The following GPR137B variants were observed in gnomAD, a reference collection of about 807,000 sequenced individuals.
GPR137B encodes the protein integral membrane protein GPR137B.
A neutral mutation model predicts 42.5 loss-of-function variants in GPR137B; 42 were observed. The ratio of observed to expected loss-of-function variants is 0.99; its 90% CI spans 0.77 to 1.28. The LOEUF (loss-of-function observed/expected upper bound fraction) is 1.28, where lower values mean the gene tolerates loss of function less well. GPR137B is among the 50% of genes most tolerant of loss of function. The probability of loss-of-function intolerance (pLI) is 0.00; values close to 1 mark genes in which losing one functional copy is unlikely to be tolerated. For synonymous variants in GPR137B, 218 were observed against 209.7 expected (o/e 1.04, Z -0.34); for missense variants, 487 against 493.9 (o/e 0.99, Z 0.13).
Position 236,142,830 on chromosome 1 carries a change from T to A in GPR137B, c.208T>A (p.Tyr70Asn). The change falls in exon 1 of 7, where the codon TAC becomes AAC. Residue 70 changes from tyrosine (Y) to asparagine (N), a missense_variant. Tyr to Asn is a moderately radical substitution (Grantham distance 143). Transcript: ENST00000366592. Reference protein sequence around the residue: ...IYVQLWLVLRYRHKRLSYQSV... With the variant: ...IYVQLWLVLRNRHKRLSYQSV... Reference sequence around the variant, plus strand: ...CGTGCAGCTCTGGCTGGTGCTGCGTTACCGCCACAAGCGGCTCAGCTACCA... The same window carrying A: ...CGTGCAGCTCTGGCTGGTGCTGCGTAACCGCCACAAGCGGCTCAGCTACCA... 6.2e-7 allele frequency: 1 copy of A among 1,614,072 alleles called. No homozygotes were observed. The highest frequency in any genetic ancestry group is 8.5e-7 in the Non-Finnish European group (1 of 1,179,902).
intron 5 of GPR137B, among the ~76,000 whole-genome samples, chr1:236,192,523 G>A (rs1248780917): frequency 6.6e-6 from 1 of 152,170 alleles, no homozygotes; most frequent in Non-Finnish European, 1.5e-5. Flanking sequence ...TGTCGGAAAA[G>A]TGCAGTATCT....
chr1:236,148,774 G>A (rs1032314982), intron 1 of GPR137B, among the ~76,000 whole-genome samples: 4 of 152,074 alleles, frequency 2.6e-5, no homozygotes, highest in Non-Finnish European at 4.4e-5. Context: ...GCTCATAGTC[G>A]GTGTTGGGAG....
intron 5 of GPR137B, among the ~76,000 whole-genome samples, chr1:236,190,107 G>T (rs148089537): frequency 0.013 from 1,869 of 147,182 alleles, 51 homozygotes; most frequent in African/African-American, 0.044. Flanking sequence ...TTGGTTTAAA[G>T]TCTGTTTTAT....
intron 5 of GPR137B, among the ~76,000 whole-genome samples, chr1:236,187,887 G>T (rs1186900809): frequency 1.3e-5 from 2 of 152,156 alleles, no homozygotes; most frequent in Non-Finnish European, 2.9e-5. Flanking sequence ...GTAGCTTGAT[G>T]GGGATAGCAT....
intron 2 of GPR137B, among the ~76,000 whole-genome samples, chr1:236,170,151 C>T (rs544715839): frequency 5.5e-4 from 84 of 151,474 alleles, no homozygotes; most frequent in Non-Finnish European, 1.0e-3. Flanking sequence ...GGGGTTCTGG[C>T]GTTTCTGCCC....
chr1:236,156,387 T>C lies in GPR137B; in HGVS notation c.415-12319T>C, dbSNP rs1385857277. On this transcript the variant is annotated intron_variant, in intron 1 of 6. Coordinates refer to ENST00000366592, the MANE Select transcript of GPR137B (RefSeq NM_003272.4). This position sits in a 1 kb window ranked among gnomAD's most constrained non-coding sequence, Gnocchi z 4.8. ...CACCGCCTCCCAGAACTTTATGGCA[T>C]GGACAGCGTGCTTGCTTGCCTTTTC... 1.3e-5 allele frequency among the ~76,000 whole-genome samples: 2 copies of C among 152,240 alleles called. No individual in the cohort carries two copies. Among genetic ancestry groups the C allele is most frequent in the South Asian group, 4.1e-4 (2 of 4,832 alleles).
At position 236,208,487 on chromosome 1, in the gene GPR137B, T is replaced by C. The variant is rs770688212; in HGVS notation, c.*329T>C. ...TTTCTTGAGAATGTTACTGCAATCA[T>C]GTTGTAGTTTGCACAGACTTTTATG... is the stretch of plus-strand genomic sequence containing the variant. On this transcript the variant is annotated 3_prime_UTR_variant, in exon 7 of 7. Coordinates refer to ENST00000366592, the MANE Select transcript of GPR137B (RefSeq NM_003272.4). The C allele has an allele frequency of 7.6e-5, 68 of 890,544 alleles. No homozygotes were observed. Among genetic ancestry groups the C allele is most frequent in the Non-Finnish European group, 8.9e-5 (65 of 727,066 alleles). The allele number at this position is 890,544 out of a possible 1,614,324, so 55.2% of individuals were successfully genotyped here. A position where few individuals can be genotyped will look rare whatever the true frequency, so the allele number is the denominator to read the frequency against.
At chr1:236,158,105 C>T (rs538080590) in intron 1 of GPR137B, among the ~76,000 whole-genome samples, 2 of 152,286 alleles carry the variant, frequency 1.3e-5, no homozygotes, top group Admixed American at 6.5e-5. Flanking sequence ...GCTGGGAGCT[C>T]CAGCTGTGTC....
rs570233824 is a variant in GPR137B at position 236,155,132 on chromosome 1, C to T, written c.414+12096C>T. ...CCTCTGTGCGGAACTGATGCCGAGA[C>T]GGACTCCACCCAGGCAGTGGGCAGG... On this transcript the variant is annotated intron_variant, in intron 1 of 6. Transcript: ENST00000366592. The surrounding 1 kb of genome is among the most constrained non-coding windows in gnomAD (Gnocchi z 4.6). Among the ~76,000 whole-genome samples, 3 of 152,326 alleles carry T rather than the reference C, an allele frequency of 2.0e-5. No homozygotes were observed. The highest frequency in any genetic ancestry group is 4.8e-5 in the African/African-American group (2 of 41,586).
At chr1:236,162,847 C>T (rs746594121) in intron 1 of GPR137B, among the ~76,000 whole-genome samples, 22 of 152,238 alleles carry the variant, frequency 1.4e-4, no homozygotes, top group Non-Finnish European at 2.6e-4. Flanking sequence ...TGGAGAAGCT[C>T]TGCTAGGGCA....
At chr1:236,176,631 G>T (rs1662694273) in intron 2 of GPR137B, among the ~76,000 whole-genome samples, 1 of 152,164 alleles carries the variant, frequency 6.6e-6, no homozygotes, top group Non-Finnish European at 1.5e-5. Context: ...CCTGTGACGG[G>T]TCGTTTTCCC....
At chr1:236,204,241 A>G (rs975475603) in intron 5 of GPR137B, among the ~76,000 whole-genome samples, 11 of 152,218 alleles carry the variant, frequency 7.2e-5, no homozygotes, top group Admixed American at 2.0e-4. Flanking sequence ...CCATCCTTGT[A>G]TCACATGGAT....
chr1:236,204,333 A>G (rs1328553805), intron 5 of GPR137B, among the ~76,000 whole-genome samples: 1 of 152,208 alleles, frequency 6.6e-6, no homozygotes, highest in Non-Finnish European at 1.5e-5. Flanking sequence ...AGATTTTTGC[A>G]TCAATATTTA....
chr1:236,149,771 C>T (rs1047244088), intron 1 of GPR137B, among the ~76,000 whole-genome samples: 1 of 152,268 alleles, frequency 6.6e-6, no homozygotes, highest in African/African-American at 2.4e-5. Context: ...ATGGCCTCAG[C>T]CCCTGGCACC....
intron 5 of GPR137B, among the ~76,000 whole-genome samples, chr1:236,198,853 GAC>G (rs1663416463): frequency 6.6e-6 from 1 of 152,140 alleles, no homozygotes; most frequent in Non-Finnish European, 1.5e-5. Flanking sequence ...GGTGAACAGT[GAC>G]AGTTTGACTT....
chr1:236,142,881 TTCTGGGCCTCC>T lies in GPR137B; in HGVS notation c.260_270del (p.Phe87SerfsTer108). The T allele has an allele frequency of 6.2e-7, 1 of 1,614,236 alleles. No individual in the cohort carries two copies. Among genetic ancestry groups the T allele is most frequent in the Non-Finnish European group, 8.5e-7 (1 of 1,180,040 alleles). ...GAGCGTCTTCCTCTTTCTCTGCCTC[TTCTGGGCCTCC>T]CTGCGGACCGTCCTCTTCTCCTTCT... On this transcript the variant is annotated frameshift_variant, in exon 1 of 7. Transcript: ENST00000366592. LOFTEE classifies it high-confidence loss of function.
intron 1 of GPR137B, among the ~76,000 whole-genome samples, chr1:236,154,782 G>A (rs983540925): frequency 1.3e-5 from 2 of 152,148 alleles, no homozygotes; most frequent in Non-Finnish European, 2.9e-5. Flanking sequence ...TGCATCGTTT[G>A]CCAGCAAGGA....
At chr1:236,158,935 A>G (rs986605212) in intron 1 of GPR137B, among the ~76,000 whole-genome samples, 3 of 152,198 alleles carry the variant, frequency 2.0e-5, no homozygotes, top group African/African-American at 7.2e-5. Context: ...GCCTCCAGGG[A>G]CATCAGAGGT....
Position 236,208,482 on chromosome 1 carries a change from AATC to A in GPR137B, c.*327_*329del. ...TTTTTTTTCTTGAGAATGTTACTGC[AATC>A]ATGTTGTAGTTTGCACAGACTTTTA... On this transcript the variant is annotated 3_prime_UTR_variant, in exon 7 of 7. Coordinates refer to ENST00000366592, the MANE Select transcript of GPR137B (RefSeq NM_003272.4). 1.1e-6 allele frequency: 1 copy of A among 894,606 alleles called. No individual in the cohort carries two copies. The highest frequency in any genetic ancestry group is 1.4e-6 in the Non-Finnish European group (1 of 728,558). 55.4% of individuals were successfully genotyped at this position (894,606 alleles called of 1,614,324 possible).
Sources: allele counts gnomAD v4.1 joint callset (sites outside exome capture counted in the v4.1 genomes callset), GRCh38; gene constraint gnomAD v4.1.1; non-coding constraint Gnocchi (gnomAD v3.1); transcripts MANE v1.5; gene names NCBI Gene and HGNC (gene_info 2026-07-23, HGNC 2026-07-21).